The following BCL9 variants were observed in gnomAD, a reference collection of about 807,000 sequenced individuals.
The protein encoded by BCL9 is B-cell CLL/lymphoma 9 protein.
A neutral mutation model predicts 88.5 loss-of-function variants in BCL9; 25 were observed. The ratio of observed to expected loss-of-function variants is 0.28; its 90% CI spans 0.21 to 0.39. The LOEUF is 0.39. BCL9 is among the 10% of genes least tolerant of loss of function. The probability of loss-of-function intolerance (pLI) is 1.00; values close to 1 mark genes in which losing one functional copy is unlikely to be tolerated. For synonymous variants in BCL9, 711 were observed against 673.3 expected, an observed-to-expected ratio of 1.06 and a Z score of -0.87; for missense variants, 1,817 against 1,877.8, an observed-to-expected ratio of 0.97 and a Z score of 0.60.
chr1:147,573,905 T>A (rs1655995412), intron 1 of BCL9, among the ~76,000 whole-genome samples: 1 of 151,572 alleles, frequency 6.6e-6, no homozygotes, highest in African/African-American at 2.4e-5. Flanking sequence ...CACAAAAGAG[T>A]AGCAAGACAG....
At chr1:147,565,431 T>TA (rs1329080823) in intron 1 of BCL9, among the ~76,000 whole-genome samples, 1 of 152,178 alleles carries the variant, frequency 6.6e-6, no homozygotes, top group Admixed American at 6.5e-5. Context: ...AGACAGAACT[T>TA]ACAATTTGCT....
chr1:147,548,524 A>G (rs1423205281), intron 1 of BCL9, among the ~76,000 whole-genome samples: 1 of 152,168 alleles, frequency 6.6e-6, no homozygotes, highest in Non-Finnish European at 1.5e-5. Context: ...TAGACTGGGT[A>G]TGCACTTATG....
At chr1:147,558,610 G>A (rs1358313898) in intron 1 of BCL9, among the ~76,000 whole-genome samples, 1 of 152,148 alleles carries the variant, frequency 6.6e-6, no homozygotes, top group African/African-American at 2.4e-5. Flanking sequence ...TGGAGACATG[G>A]AGAGTGAGCC....
At chr1:147,612,763 TG>T (rs1485860946) in intron 4 of BCL9, 119 bp from the exon 5 acceptor site, 68 of 942,366 alleles carry the variant, frequency 7.2e-5, no homozygotes, top group Non-Finnish European at 1.0e-4. Context: ...AGGTGAATCA[TG>T]GGGTGGTTAT....
At chr1:147,545,059 A>G (rs1553194117) in intron 1 of BCL9, among the ~76,000 whole-genome samples, 1 of 152,152 alleles carries the variant, frequency 6.6e-6, no homozygotes, top group East Asian at 1.9e-4. Flanking sequence ...GAAGACAGAC[A>G]TGCCCACCCA....
At chr1:147,562,118 C>G (rs1185840870) in intron 1 of BCL9, among the ~76,000 whole-genome samples, 12 of 152,000 alleles carry the variant, frequency 7.9e-5, no homozygotes, top group African/African-American at 2.9e-4. Context: ...CACCTGAGGT[C>G]GGGAGTTCAA....
rs782209297 is a variant in BCL9, at chr1:147,619,067, G to A, written c.912G>A (p.Gly304=). 3 of 1,613,156 alleles carry A rather than the reference G, an allele frequency of 1.9e-6. No homozygotes were observed. Among genetic ancestry groups the A allele is most frequent in the Non-Finnish European group, 2.5e-6 (3 of 1,179,568 alleles). The stretch of plus-strand genomic sequence containing the variant: ...CTCCACTGCCCCCAGATGGTACTGG[G>A]CCCAACTCAACTCCCAACAATAGGG... ...SSTPLPPDGT[G]PNSTPNNRAV... Residue 304 remains glycine (G), a synonymous_variant, in exon 8 of 10, where the codon GGG becomes GGA. Coordinates refer to ENST00000234739, the MANE Select transcript of BCL9 (RefSeq NM_004326.4). The surrounding 1 kb of genome is among the most constrained non-coding windows in gnomAD (Gnocchi z 4.1).
At chr1:147,568,016 C>G (rs117395028) in intron 1 of BCL9, among the ~76,000 whole-genome samples, 2 of 152,216 alleles carry the variant, frequency 1.3e-5, no homozygotes, top group South Asian at 4.1e-4. Context: ...CATACAGCTG[C>G]ATCTCTCTGT....
chr1:147,612,127 G>C (rs587698587), intron 4 of BCL9, among the ~76,000 whole-genome samples: 1 of 152,084 alleles, frequency 6.6e-6, no homozygotes, highest in East Asian at 1.9e-4. Context: ...ACCTCTCCCC[G>C]CACCTCCCTG....
At chr1:147,576,573 A>G (rs78580415) in intron 1 of BCL9, among the ~76,000 whole-genome samples, 5,339 of 152,310 alleles carry the variant, frequency 0.035, 133 homozygotes, top group Non-Finnish European at 0.043. Context: ...GTAATGAAAT[A>G]TGGTACTAAT....
intron 1 of BCL9, chr1:147,600,189 G>GCGC (rs1406726760): frequency 8.2e-4 from 132 of 160,948 alleles, no homozygotes; most frequent in Non-Finnish European, 1.4e-3. Flanking sequence ...GAGTGGGACG[G>GCGC]CGCCGCCGCC....
intron 1 of BCL9, among the ~76,000 whole-genome samples, chr1:147,604,342 T>C (rs587774002): frequency 6.6e-6 from 1 of 152,348 alleles, no homozygotes; most frequent in Non-Finnish European, 1.5e-5. Flanking sequence ...TATTATCTCA[T>C]GGCCACTTGC....
chr1:147,586,844 TGGA>T (rs1553199287), intron 1 of BCL9, among the ~76,000 whole-genome samples: 2 of 152,284 alleles, frequency 1.3e-5, no homozygotes, highest in East Asian at 3.9e-4. Context: ...TTGTTCCAAA[TGGA>T]TAAGATGCAA....
At chr1:147,550,264 C>T (rs1439256614) in intron 1 of BCL9, among the ~76,000 whole-genome samples, 1 of 152,068 alleles carries the variant, frequency 6.6e-6, no homozygotes, top group Non-Finnish European at 1.5e-5. Flanking sequence ...ACTGGACTGT[C>T]TTTTAGTACG....
chr1:147,616,029 C>A, intron 7 of BCL9, 127 bp downstream of exon 7: 1 of 875,256 alleles, frequency 1.1e-6, no homozygotes, highest in Non-Finnish European at 1.8e-6. Context: ...GGCATTTAAC[C>A]TAATTCTGGC....
rs1449510974 is a variant in BCL9, at chr1:147,624,223, A to G, written c.3545A>G (p.Asn1182Ser). The G allele has an allele frequency of 1.2e-6, 2 of 1,612,136 alleles. No individual in the cohort carries two copies. Among genetic ancestry groups the G allele is most frequent in the African/African-American group, 1.3e-5 (1 of 74,890 alleles). Reference sequence around the variant, plus strand: ...GAAGGCCCCCTTGGCCGCCCCAGCAACCTGCCCCAAAGTTCAGCAGATGCA... The same window carrying G: ...GAAGGCCCCCTTGGCCGCCCCAGCAGCCTGCCCCAAAGTTCAGCAGATGCA... Reference protein sequence around the residue: ...PGEGPLGRPSNLPQSSADAAL... With the variant: ...PGEGPLGRPSSLPQSSADAAL... Residue 1182 changes from asparagine (N) to serine (S), a missense_variant, in exon 10 of 10, where the codon AAC becomes AGC. Asn to Ser is a conservative substitution (Grantham distance 46). Around this residue, in one of 2 missense-constraint regions of BCL9, gnomAD observed 589 missense variants for 686.2 expected, o/e 0.86. Coordinates refer to ENST00000234739, the MANE Select transcript of BCL9 (RefSeq NM_004326.4). The surrounding 1 kb of genome is among the most constrained non-coding windows in gnomAD (Gnocchi z 4.4).
At chr1:147,598,836 A>G (rs1348644344) in intron 1 of BCL9, among the ~76,000 whole-genome samples, 1 of 152,212 alleles carries the variant, frequency 6.6e-6, no homozygotes, top group Non-Finnish European at 1.5e-5. Flanking sequence ...TGCAGAGCAG[A>G]CAGATCTATA....
rs979996725 is a variant in BCL9, at chr1:147,542,345, C to T, written c.-478+671C>T. Among the ~76,000 whole-genome samples the T allele has an allele frequency of 3.9e-5, 6 of 152,204 alleles. No homozygotes were observed. In the South Asian group the frequency reaches 1.2e-3, roughly 32 times the overall value. Reference sequence around the variant, plus strand: ...TTCCAGTCTCAGGGATTCCTCTGGTCGTAGAGACTGTTGAGTTGTGGGGTG... The same window carrying T: ...TTCCAGTCTCAGGGATTCCTCTGGTTGTAGAGACTGTTGAGTTGTGGGGTG... On this transcript the variant is annotated intron_variant, in intron 1 of 9. Transcript: ENST00000234739.
At chr1:147,564,935 A>C (rs1655536197) in intron 1 of BCL9, among the ~76,000 whole-genome samples, 1 of 152,208 alleles carries the variant, frequency 6.6e-6, no homozygotes, top group African/African-American at 2.4e-5. Flanking sequence ...TAAAAATTTA[A>C]AAATTCAGCT....
Sources: gnomAD v4.1 joint callset for allele counts (sites outside exome capture counted in the v4.1 genomes callset) on GRCh38, gnomAD v4.1.1 for gene constraint, gnomAD v4.1.1 regional missense constraint, Gnocchi (gnomAD v3.1) non-coding constraint, MANE v1.5 for transcripts, NCBI Gene and HGNC (gene_info 2026-07-23, HGNC 2026-07-21) for gene names.